Variants in FAM120B observed in about 807,000 individuals in gnomAD.
FAM120B encodes constitutive coactivator of peroxisome proliferator-activated receptor gamma.
In FAM120B, 83 loss-of-function variants were observed where a neutral mutation model predicts 96.3. The ratio of observed to expected loss-of-function variants is 0.86; its 90% confidence interval spans 0.72 to 1.03. The LOEUF (loss-of-function observed/expected upper bound fraction) is 1.03, where lower values mean the gene tolerates loss of function less well. FAM120B is among the 50% of genes least tolerant of loss of function. FAM120B has a pLI of 0.00. For missense variants in FAM120B, 1,027 were observed against 1,121.2 expected (o/e 0.92, Z 1.20); for synonymous variants, 407 against 402.7 (o/e 1.01, Z -0.13).
At chr6:170,376,542 C>T (rs529130972) in intron 6 of FAM120B, among the ~76,000 whole-genome samples, 5 of 152,112 alleles carry the variant, frequency 3.3e-5, no homozygotes, top group South Asian at 2.1e-4. Context: ...CGCTGGCATG[C>T]GGGGATGACC....
intron 1 of FAM120B, among the ~76,000 whole-genome samples, chr6:170,301,408 G>A (rs966814888): frequency 1.3e-5 from 2 of 152,360 alleles, no homozygotes; most frequent in African/African-American, 4.8e-5. Flanking sequence ...TCCCTCCTAG[G>A]CCTCTAGGCC....
intron 6 of FAM120B, among the ~76,000 whole-genome samples, chr6:170,361,218 A>G (rs796843538): frequency 0.017 from 1,835 of 108,782 alleles, 104 homozygotes; most frequent in East Asian, 0.074. Context: ...ATATATATAT[A>G]TATATATATA....
intron 6 of FAM120B, among the ~76,000 whole-genome samples, chr6:170,366,056 G>A (rs1489684506): frequency 1.3e-5 from 2 of 152,106 alleles, no homozygotes; most frequent in African/African-American, 4.8e-5. Context: ...AGTCTTGTAC[G>A]AAAAAATAGA....
Position 170,395,532 on chromosome 6 carries a change from G to T in FAM120B, c.2645G>T (p.Gly882Val). ...QGSSYHRTGS[G>V]YSRSSQGQPW... ...TCCAGCTACCACAGGACGGGCTCTG[G>T]GTATAGCCGTTCCAGTCAGGGACAG... Residue 882 changes from glycine to valine, a missense_variant, in exon 9 of 11, where the codon GGG (glycine) becomes GTG (valine). Gly to Val is a moderately radical substitution (Grantham distance 109). Around this residue, in one of 3 missense-constraint regions of FAM120B, gnomAD observed 142 missense variants for 122.5 expected, o/e 1.16. Transcript: ENST00000476287. The T allele has an allele frequency of 6.2e-7, 1 of 1,601,060 alleles. No individual in the cohort carries two copies. The highest frequency in any genetic ancestry group is 1.1e-5 in the South Asian group (1 of 88,238).
rs778728624 is a variant in FAM120B at position 170,317,583 on chromosome 6, C to T, written c.193C>T (p.Arg65Ter). ...ATCTTGGATCTGCGGTGGCCAGTGGCGAGAATACTTTTCTGCTTTGCGAGA... is the reference window on the plus strand; with the variant it reads ...ATCTTGGATCTGCGGTGGCCAGTGGTGAGAATACTTTTCTGCTTTGCGAGA... ...PESWICGGQW[R>*]EYFSALRDFV... The change falls in exon 2 of 11, where the codon CGA becomes TGA. Residue 65 changes from arginine to a stop codon, truncating the protein, a stop_gained. Coordinates refer to ENST00000476287, the MANE Select transcript of FAM120B (RefSeq NM_032448.3). LOFTEE classifies it high-confidence loss of function. The T allele has an allele frequency of 4.3e-6, 7 of 1,614,074 alleles. No individual in the cohort carries two copies. Among genetic ancestry groups the T allele is most frequent in the East Asian group, 2.2e-5 (1 of 44,880 alleles).
chr6:170,351,828 C>A (rs1787601214), intron 5 of FAM120B, among the ~76,000 whole-genome samples: 1 of 152,220 alleles, frequency 6.6e-6, no homozygotes, highest in African/African-American at 2.4e-5. Flanking sequence ...CCAGCCACTA[C>A]AAAAACACAC....
chr6:170,380,900 G>A (rs944907040), intron 6 of FAM120B, among the ~76,000 whole-genome samples: 1 of 152,162 alleles, frequency 6.6e-6, no homozygotes, highest in African/African-American at 2.4e-5. Context: ...GAGCCTTGGG[G>A]GGTCACACTC....
chr6:170,296,415 G>T (rs1197855654), intron 1 of FAM120B, among the ~76,000 whole-genome samples: 1 of 152,040 alleles, frequency 6.6e-6, no homozygotes, highest in Non-Finnish European at 1.5e-5. Flanking sequence ...CGGCGCGGCC[G>T]TGCGGCGGGT....
intron 5 of FAM120B, 42 bp downstream of exon 5, chr6:170,348,365 T>A: frequency 6.3e-7 from 1 of 1,585,126 alleles, no homozygotes. Flanking sequence ...AGCCTGCGCT[T>A]ACTTTATGAG....
At chr6:170,341,354 C>G (rs1786816717) in intron 4 of FAM120B, among the ~76,000 whole-genome samples, 1 of 152,204 alleles carries the variant, frequency 6.6e-6, no homozygotes, top group African/African-American at 2.4e-5. Context: ...CCCCACCAAG[C>G]TCGATCGTCC....
At chr6:170,304,778 C>G (rs1199597340), upstream of FAM120B, among the ~76,000 whole-genome samples, 3 of 152,182 alleles carry the variant, frequency 2.0e-5, no homozygotes, top group African/African-American at 7.2e-5. Flanking sequence ...AGTCCTTCCT[C>G]TTCTAACCCT....
At chr6:170,298,056 A>G (rs1784058039) in intron 1 of FAM120B, 1 of 152,214 alleles carries the variant, frequency 6.6e-6, no homozygotes, top group Non-Finnish European at 1.5e-5. Context: ...TTCGGCCACA[A>G]TGAGTCCTTT....
chr6:170,305,166 TG>T (rs201091902), upstream of FAM120B, among the ~76,000 whole-genome samples: 2 of 149,534 alleles, frequency 1.3e-5, no homozygotes, highest in Non-Finnish European at 3.0e-5. Flanking sequence ...CCTATGAACT[TG>T]GGGGGGGCGG....
chr6:170,295,695 C>T lies in FAM120B; in HGVS notation c.48+242C>T, dbSNP rs950294066. Among the ~76,000 whole-genome samples, 8 of 152,114 alleles carry T rather than the reference C, an allele frequency of 5.3e-5. No homozygotes were observed. The highest frequency in any genetic ancestry group is 1.2e-4 in the Non-Finnish European group (8 of 68,010). On this transcript the variant is annotated intron_variant, in intron 1 of 10. Transcript: ENST00000537664. The surrounding 1 kb of genome is among the most constrained non-coding windows in gnomAD (Gnocchi z 7.8). The stretch of plus-strand genomic sequence containing the variant: ...CTTCCCCGGTGCGGCCGGGTCCCGG[C>T]GCCACACGCCCTTTTCCTTTCTCAG...
At chr6:170,398,208 C>T (rs1440192282) in intron 9 of FAM120B, among the ~76,000 whole-genome samples, 1 of 152,252 alleles carries the variant, frequency 6.6e-6, no homozygotes, top group East Asian at 1.9e-4. Flanking sequence ...AGGCATCTGG[C>T]CTGGATAACC....
At chr6:170,361,682 C>T (rs1311091101) in intron 6 of FAM120B, among the ~76,000 whole-genome samples, 2 of 152,134 alleles carry the variant, frequency 1.3e-5, no homozygotes, top group Non-Finnish European at 2.9e-5. Flanking sequence ...GAGAACATAC[C>T]TGCTCGACTG....
chr6:170,349,060 C>T (rs1242814334), intron 5 of FAM120B, among the ~76,000 whole-genome samples: 2 of 152,208 alleles, frequency 1.3e-5, no homozygotes, highest in African/African-American at 4.8e-5. Flanking sequence ...TAGTTTTCTA[C>T]ATGCACAATA....
chr6:170,303,562 AAC>A (rs1347508117), upstream of FAM120B, among the ~76,000 whole-genome samples: 6 of 152,184 alleles, frequency 3.9e-5, no homozygotes, highest in Admixed American at 3.9e-4. Context: ...ATTTTCTAAG[AAC>A]ACATATTTAA....
chr6:170,348,122 A>G, intron 4 of FAM120B, 29 bp from the exon 5 acceptor site: 1 of 1,594,146 alleles, frequency 6.3e-7, no homozygotes, highest in Non-Finnish European at 8.6e-7. Context: ...GCAAAGAACA[A>G]TAGTTAATGG....
Sources: allele counts gnomAD v4.1 joint callset (sites outside exome capture counted in the v4.1 genomes callset), GRCh38; gene constraint gnomAD v4.1.1; regional missense constraint gnomAD v4.1.1; non-coding constraint Gnocchi (gnomAD v3.1); transcripts MANE v1.5; gene names NCBI Gene and HGNC (gene_info 2026-07-23, HGNC 2026-07-21).